REEP3: variants seen among roughly 807,000 people sequenced by gnomAD.
The protein encoded by REEP3 is receptor expression-enhancing protein 3.
REEP3 carries 20 observed loss-of-function variants against 41.3 expected under a neutral mutation model. The ratio of observed to expected loss-of-function variants is 0.48; its 90% confidence interval spans 0.34 to 0.70. The LOEUF is 0.70. Among genes scored for constraint, REEP3 ranks in the 30% least tolerant of loss-of-function variants. The pLI, the probability that REEP3 is intolerant of heterozygous loss-of-function variation, is 0.01. For missense variants in REEP3, 271 were observed against 308.8 expected (o/e 0.88, Z 0.92); for synonymous variants, 104 against 101.8 (o/e 1.02, Z -0.13).
At chr10:63,590,894 TA>T (rs1956055939) in intron 2 of REEP3, among the ~76,000 whole-genome samples, 1 of 152,214 alleles carries the variant, frequency 6.6e-6, no homozygotes, top group African/African-American at 2.4e-5. Context: ...CCCAGTAGCT[TA>T]AAAGGTGATT....
chr10:63,606,782 T>C (rs755547431), intron 5 of REEP3, among the ~76,000 whole-genome samples: 4 of 152,212 alleles, frequency 2.6e-5, no homozygotes, highest in Non-Finnish European at 4.4e-5. Context: ...GAAATTCTTA[T>C]AGTATGCCAC....
chr10:63,590,954 T>C (rs1956056478), intron 2 of REEP3, among the ~76,000 whole-genome samples: 1 of 152,224 alleles, frequency 6.6e-6, no homozygotes, highest in Admixed American at 6.5e-5. Context: ...TATTTACATA[T>C]TTTAACAGCA....
At chr10:63,569,368 G>A (rs1024623762) in intron 2 of REEP3, among the ~76,000 whole-genome samples, 1 of 152,044 alleles carries the variant, frequency 6.6e-6, no homozygotes, top group African/African-American at 2.4e-5. Context: ...CACCTAGAAA[G>A]CATTCAAGAA....
intron 1 of REEP3, among the ~76,000 whole-genome samples, chr10:63,564,615 T>C (rs1955779143): frequency 6.8e-6 from 1 of 146,266 alleles, no homozygotes; most frequent in South Asian, 2.2e-4. Flanking sequence ...GGCGAGACCC[T>C]GTCTCAGAAA....
intron 1 of REEP3, among the ~76,000 whole-genome samples, chr10:63,527,924 T>C (rs1429720704): frequency 1.3e-5 from 2 of 150,492 alleles, no homozygotes; most frequent in East Asian, 4.0e-4. Context: ...TTTTCTTCAC[T>C]TGGTTTCCAA....
intron 2 of REEP3, among the ~76,000 whole-genome samples, chr10:63,569,163 A>G (rs1217872691): frequency 6.6e-6 from 1 of 152,242 alleles, no homozygotes; most frequent in Admixed American, 6.5e-5. Context: ...GATAAAATTA[A>G]GAGTTGGCCA....
chr10:63,620,745 T>G, intron 7 of REEP3, 68 bp from the exon 8 acceptor site: 1 of 1,016,172 alleles, frequency 9.8e-7, no homozygotes, highest in Non-Finnish European at 1.5e-6. Flanking sequence ...GATTATGAAC[T>G]ATTAAATCTG....
At chr10:63,522,093 T>C (rs900298939) in intron 1 of REEP3, among the ~76,000 whole-genome samples, 1 of 152,044 alleles carries the variant, frequency 6.6e-6, no homozygotes, top group African/African-American at 2.4e-5. Flanking sequence ...GTGTCTCTCT[T>C]GGCGGCTGAT....
intron 1 of REEP3, among the ~76,000 whole-genome samples, chr10:63,541,964 A>G (rs532117379): frequency 3.3e-5 from 5 of 152,338 alleles, no homozygotes; most frequent in East Asian, 3.9e-4. Flanking sequence ...TCTATGTCAT[A>G]TTACTTCTAG....
chr10:63,619,880 C>T (rs189312722), intron 7 of REEP3, 80 bp downstream of exon 7: 244 of 976,912 alleles, frequency 2.5e-4, no homozygotes, highest in Admixed American at 4.8e-4. Flanking sequence ...TATTAATGAT[C>T]CATAAATGAA....
chr10:63,592,335 A>G (rs895339542), intron 2 of REEP3, among the ~76,000 whole-genome samples: 15 of 152,236 alleles, frequency 9.9e-5, no homozygotes, highest in African/African-American at 3.6e-4. Context: ...AACCCTTCTC[A>G]TAGAACACAA....
chr10:63,544,080 A>G (rs1011796897), intron 1 of REEP3, among the ~76,000 whole-genome samples: 3 of 152,228 alleles, frequency 2.0e-5, no homozygotes, highest in Non-Finnish European at 4.4e-5. Context: ...TTTCAATTTC[A>G]TCTTTGAAAT....
At chr10:63,539,037 A>C (rs540999646) in intron 1 of REEP3, among the ~76,000 whole-genome samples, 2 of 152,332 alleles carry the variant, frequency 1.3e-5, no homozygotes, top group South Asian at 4.1e-4. Context: ...TAGTTAAAGA[A>C]TGCAAAGTAA....
At chr10:63,529,629 A>G (rs1177774053) in intron 1 of REEP3, among the ~76,000 whole-genome samples, 2 of 151,688 alleles carry the variant, frequency 1.3e-5, no homozygotes. Flanking sequence ...CACCCAGCTA[A>G]TTTTTTTATT....
At chr10:63,523,584 C>T (rs189931923) in intron 1 of REEP3, among the ~76,000 whole-genome samples, 12 of 152,174 alleles carry the variant, frequency 7.9e-5, no homozygotes, top group East Asian at 5.8e-4. Context: ...TGCAGTGAGC[C>T]GTGATCGTGC....
chr10:63,536,203 G>A (rs1955472664), intron 1 of REEP3, among the ~76,000 whole-genome samples: 1 of 152,168 alleles, frequency 6.6e-6, no homozygotes, highest in Admixed American at 6.5e-5. Flanking sequence ...TGGCAGTTGA[G>A]CTCCGGACAT....
chr10:63,597,298 G>A (rs976628976), intron 3 of REEP3, among the ~76,000 whole-genome samples: 4 of 152,180 alleles, frequency 2.6e-5, no homozygotes, highest in Admixed American at 2.6e-4. Flanking sequence ...GTGTGTGTAT[G>A]GGGTAGACAT....
At chr10:63,602,239 C>T (rs1487664218) in intron 5 of REEP3, among the ~76,000 whole-genome samples, 2 of 151,950 alleles carry the variant, frequency 1.3e-5, no homozygotes, top group Admixed American at 6.6e-5. Flanking sequence ...TGTGGTTTTG[C>T]CATATTGAGA....
chr10:63,542,116 G>A (rs948759735), intron 1 of REEP3, among the ~76,000 whole-genome samples: 31 of 146,586 alleles, frequency 2.1e-4, no homozygotes, highest in African/African-American at 7.9e-4. Flanking sequence ...GTCTCACTCT[G>A]TTGCCCAGGC....
Sources: allele counts gnomAD v4.1 joint callset (sites outside exome capture counted in the v4.1 genomes callset), GRCh38; gene constraint gnomAD v4.1.1; transcripts MANE v1.5; gene names NCBI Gene and HGNC (gene_info 2026-07-23, HGNC 2026-07-21).